Variants in RPAP2 observed in about 807,000 individuals in gnomAD.
RPAP2 encodes RNA polymerase II associated protein 2.
A neutral mutation model predicts 73.1 loss-of-function variants in RPAP2; 52 were observed. The observed-to-expected ratio is 0.71, with a 90% CI of 0.57 to 0.90. The LOEUF is 0.90. RPAP2 is among the 40% of genes least tolerant of loss of function. The pLI is 0.00. For missense variants in RPAP2, 598 were observed against 701.8 expected, an observed-to-expected ratio of 0.85 and a Z score of 1.67; for synonymous variants, 225 against 242.1, an observed-to-expected ratio of 0.93 and a Z score of 0.65.
chr1:92,381,729 C>T (rs1056180624), intron 12 of RPAP2, among the ~76,000 whole-genome samples: 1 of 151,676 alleles, frequency 6.6e-6, no homozygotes, highest in African/African-American at 2.4e-5. Flanking sequence ...CTCTTTCCCA[C>T]AAGCATACTT....
intron 11 of RPAP2, among the ~76,000 whole-genome samples, chr1:92,356,587 T>TGG (rs1553154336): frequency 1.0e-4 from 7 of 68,316 alleles, no homozygotes; most frequent in South Asian, 6.4e-4. Context: ...CCTGGCTAAT[T>TGG]TTTTTTTTTT....
At chr1:92,314,475 A>G (rs1379650287) in intron 6 of RPAP2, among the ~76,000 whole-genome samples, 4 of 152,076 alleles carry the variant, frequency 2.6e-5, no homozygotes, top group Non-Finnish European at 4.4e-5. Context: ...TTACAGCTGG[A>G]CACAGAGGCT....
At chr1:92,359,043 T>C (rs1020501780) in intron 11 of RPAP2, among the ~76,000 whole-genome samples, 1 of 152,256 alleles carries the variant, frequency 6.6e-6, no homozygotes, top group African/African-American at 2.4e-5. Context: ...CTTTGCATTC[T>C]GTATCTTGCC....
In RPAP2 at chr1:92,324,284, A is replaced by T. The variant is rs1486761542; in HGVS notation, c.1364A>T (p.Glu455Val). ...CCAAGTTACGAGAATTTGAAAAAAG[A>T]AACTGAAAAGTTAAATCTGAGGATC... ...PLPSYENLKK[E>V]TEKLNLRIRE... is the part of the protein sequence containing the mutation. Residue 455 changes from glutamate to valine, a missense_variant, in exon 8 of 13, where the codon GAA (glutamate) becomes GTA (valine). Transcript: ENST00000610020. 8.1e-6 allele frequency: 13 copies of T among 1,614,002 alleles called. No homozygotes were observed. Among genetic ancestry groups the T allele is most frequent in the African/African-American group, 2.7e-5 (2 of 74,924 alleles).
chr1:92,311,099 C>G (rs1483412218), intron 6 of RPAP2, among the ~76,000 whole-genome samples: 1 of 152,220 alleles, frequency 6.6e-6, no homozygotes, highest in African/African-American at 2.4e-5. Context: ...ATGCTGGCAG[C>G]AACCTACTTA....
chr1:92,305,079 G>A (rs1651106488), intron 5 of RPAP2, among the ~76,000 whole-genome samples: 3 of 151,760 alleles, frequency 2.0e-5, no homozygotes, highest in Admixed American at 6.6e-5. Context: ...AGGTTACAGT[G>A]AGCCGAGATC....
chr1:92,327,899 T>G (rs1463483923), intron 8 of RPAP2, among the ~76,000 whole-genome samples: 1 of 152,240 alleles, frequency 6.6e-6, no homozygotes, highest in African/African-American at 2.4e-5. Flanking sequence ...AGACTATCTT[T>G]CCTTCATTTA....
intron 11 of RPAP2, among the ~76,000 whole-genome samples, chr1:92,371,639 C>T (rs1048808915): frequency 8.6e-5 from 13 of 151,522 alleles, no homozygotes; most frequent in East Asian, 5.8e-4. Context: ...TTATTTGTGA[C>T]GACATAGGTG....
chr1:92,323,752 A>G lies in RPAP2; in HGVS notation c.832A>G (p.Lys278Glu). 1 of 1,614,168 alleles carries G rather than the reference A, an allele frequency of 6.2e-7. No homozygotes were observed. Among genetic ancestry groups the G allele is most frequent in the Non-Finnish European group, 8.5e-7 (1 of 1,180,018 alleles). The change falls in exon 8 of 13, where the codon AAA (lysine) becomes GAA (glutamate). Residue 278 changes from lysine (K) to glutamate (E), a missense_variant. Around this residue, in one of 3 missense-constraint regions of RPAP2, gnomAD observed 506 missense variants for 612.8 expected, o/e 0.83. Transcript: ENST00000610020. Reference sequence around the variant, plus strand: ...TGTCACTGAGCAGTTAGGCGATTGCAAATTAGATAGTCAGGAGAAAGATGC... The same window carrying G: ...TGTCACTGAGCAGTTAGGCGATTGCGAATTAGATAGTCAGGAGAAAGATGC... ...VDVTEQLGDC[K>E]LDSQEKDATC...
At chr1:92,327,804 G>A (rs1652732477) in intron 8 of RPAP2, among the ~76,000 whole-genome samples, 2 of 151,662 alleles carry the variant, frequency 1.3e-5, no homozygotes, top group Non-Finnish European at 2.9e-5. Flanking sequence ...TCCAGGATTT[G>A]TTTCAAGATT....
At chr1:92,341,179 T>C (rs1324450556) in intron 10 of RPAP2, among the ~76,000 whole-genome samples, 3 of 152,030 alleles carry the variant, frequency 2.0e-5, no homozygotes, top group African/African-American at 7.2e-5. Context: ...CCGCCAATTT[T>C]TGTATTTTTT....
In RPAP2 at chr1:92,387,096, G is replaced by A. The variant is rs1473595495; in HGVS notation, c.*85G>A. On this transcript the variant is annotated 3_prime_UTR_variant, in exon 13 of 13. Transcript: ENST00000610020. ...CCGCCATGATGGTCTGGTGGTGACT[G>A]ATAACTAGTTTTATTCCAAGACATA... The A allele has an allele frequency of 3.7e-6, 5 of 1,351,256 alleles. No homozygotes were observed. The highest frequency in any genetic ancestry group is 5.1e-6 in the Non-Finnish European group (5 of 981,544). The allele number at this position is 1,351,256 out of a possible 1,614,324, so 83.7% of individuals were successfully genotyped here.
Position 92,391,438 on chromosome 1 carries a change from C to T in RPAP2, c.*4427C>T, listed in dbSNP as rs1353336277. 6.6e-6 allele frequency: 1 copy of T among 152,068 alleles called. No individual in the cohort carries two copies. The highest frequency in any genetic ancestry group is 1.9e-4 in the East Asian group (1 of 5,192). 9.4% of individuals were successfully genotyped at this position (152,068 alleles called of 1,614,324 possible). A position where few individuals can be genotyped will look rare whatever the true frequency, so the allele number is the denominator to read the frequency against. ...GCCCACAAGTGAAAGCAGGAGTGAT[C>T]TAAAATCAACACCCTAACATCACAA... On this transcript the variant is annotated 3_prime_UTR_variant, in exon 13 of 13. Coordinates refer to ENST00000610020, the MANE Select transcript of RPAP2 (RefSeq NM_024813.3).
chr1:92,303,949 A>G (rs993411090), intron 3 of RPAP2, 28 bp from the exon 4 acceptor site: 2 of 1,469,588 alleles, frequency 1.4e-6, no homozygotes, highest in Non-Finnish European at 1.9e-6. Flanking sequence ...TTAAACTAGG[A>G]GGAAATAACC....
intron 11 of RPAP2, among the ~76,000 whole-genome samples, chr1:92,349,464 A>T (rs1654087905): frequency 6.6e-6 from 1 of 152,192 alleles, no homozygotes; most frequent in Non-Finnish European, 1.5e-5. Context: ...AACTCTTGTT[A>T]AAGGGGGAAA....
At chr1:92,315,353 C>G (rs539984913) in intron 6 of RPAP2, among the ~76,000 whole-genome samples, 43 of 152,228 alleles carry the variant, frequency 2.8e-4, no homozygotes, top group African/African-American at 9.6e-4. Flanking sequence ...ACAACAGTAA[C>G]ATCAAAAATT....
At chr1:92,323,004 TATAA>T (rs906388854) in intron 7 of RPAP2, among the ~76,000 whole-genome samples, 9 of 147,200 alleles carry the variant, frequency 6.1e-5, no homozygotes, top group East Asian at 1.9e-4. Context: ...TATGTGTACA[TATAA>T]ATATATACTT....
intron 6 of RPAP2, among the ~76,000 whole-genome samples, chr1:92,313,093 C>T (rs1302827103): frequency 6.6e-6 from 1 of 152,206 alleles, no homozygotes; most frequent in Non-Finnish European, 1.5e-5. Context: ...TCTCGAACTC[C>T]TGGCCCCAAG....
In RPAP2 at chr1:92,391,898, A is replaced by G. The variant is rs537106789; in HGVS notation, c.*4887A>G. 5 of 152,258 alleles carry G rather than the reference A, an allele frequency of 3.3e-5. No individual in the cohort carries two copies. Among genetic ancestry groups the G allele is most frequent in the Non-Finnish European group, 7.3e-5 (5 of 68,056 alleles). The allele number at this position is 152,258 out of a possible 1,614,324, so 9.4% of individuals were successfully genotyped here. Reference sequence around the variant, plus strand: ...AAATTGAGGCAATAATTAATAGCCTACCAACCAAAAAAAGTCCAGGACCAG... The same window carrying G: ...AAATTGAGGCAATAATTAATAGCCTGCCAACCAAAAAAAGTCCAGGACCAG... On this transcript the variant is annotated 3_prime_UTR_variant, in exon 13 of 13. Coordinates refer to ENST00000610020, the MANE Select transcript of RPAP2 (RefSeq NM_024813.3).
Sources: allele counts gnomAD v4.1 joint callset (sites outside exome capture counted in the v4.1 genomes callset), GRCh38; gene constraint gnomAD v4.1.1; regional missense constraint gnomAD v4.1.1; transcripts MANE v1.5; gene names NCBI Gene and HGNC (gene_info 2026-07-23, HGNC 2026-07-21).